The following OPCML variants were observed in gnomAD, a reference collection of about 807,000 sequenced individuals.
OPCML encodes the protein opioid-binding protein/cell adhesion molecule.
In OPCML, 13 loss-of-function variants were observed where a neutral mutation model predicts 37.8. The ratio of observed to expected loss-of-function variants is 0.34; its 90% CI spans 0.22 to 0.55. OPCML has a LOEUF of 0.55. Among genes scored for constraint, OPCML ranks in the 20% least tolerant of loss-of-function variants. The probability of loss-of-function intolerance (pLI) is 0.91; values close to 1 mark genes in which losing one functional copy is unlikely to be tolerated. For synonymous variants in OPCML, 176 were observed against 168.8 expected, an observed-to-expected ratio of 1.04 and a Z score of -0.33; for missense variants, 341 against 435.6, an observed-to-expected ratio of 0.78 and a Z score of 1.93.
At chr11:132,644,486 A>C (rs2135731779) in intron 3 of OPCML, among the ~76,000 whole-genome samples, 1 of 152,240 alleles carries the variant, frequency 6.6e-6, no homozygotes, top group Admixed American at 6.5e-5. Context: ...TTAAGAAAAA[A>C]TAAGAAAGAA....
rs189450935 is a variant in OPCML, at chr11:133,367,071, C to T, written c.61+165193G>A. On this transcript the variant is annotated intron_variant, in intron 1 of 7. Coordinates refer to ENST00000524381, the MANE Select transcript of OPCML (RefSeq NM_001012393.5). ...TCGGTTCAATGCAACCTCTGACTCC[C>T]TGGTTCAAGTGATTCTCCTGCCTAA... 3.9e-5 allele frequency among the ~76,000 whole-genome samples: 6 copies of T among 152,272 alleles called. No homozygotes were observed. The East Asian group carries it at 1.2e-3, about 29-fold the overall frequency.
chr11:133,031,294 G>A (rs937618321), intron 1 of OPCML, among the ~76,000 whole-genome samples: 2 of 151,974 alleles, frequency 1.3e-5, no homozygotes, highest in Admixed American at 6.6e-5. Flanking sequence ...GTGCATGGGT[G>A]GATGGATAGA....
At chr11:133,276,932 GA>G (rs2063921608) in intron 1 of OPCML, among the ~76,000 whole-genome samples, 2 of 152,270 alleles carry the variant, frequency 1.3e-5, no homozygotes, top group African/African-American at 4.8e-5. Context: ...AAATGTTTCT[GA>G]AATTTCAGAC....
chr11:132,873,963 G>T (rs931876), intron 2 of OPCML, among the ~76,000 whole-genome samples: 45,839 of 151,926 alleles, frequency 0.3, 7,462 homozygotes, highest in Non-Finnish European at 0.36. Flanking sequence ...CAGCCCTGTG[G>T]TGTTCTAAAA....
intron 1 of OPCML, among the ~76,000 whole-genome samples, chr11:132,963,197 C>A (rs545476347): frequency 6.6e-6 from 1 of 152,012 alleles, no homozygotes. Context: ...TGTGTGTTAA[C>A]GCTAACATCT....
intron 1 of OPCML, among the ~76,000 whole-genome samples, chr11:133,057,731 A>T (rs1444703284): frequency 1.3e-5 from 2 of 152,134 alleles, no homozygotes; most frequent in Non-Finnish European, 2.9e-5. Context: ...CACCTCTGTC[A>T]TCGTCCCTTC....
At chr11:132,718,482 C>A (rs761467468) in intron 2 of OPCML, among the ~76,000 whole-genome samples, 2 of 152,106 alleles carry the variant, frequency 1.3e-5, no homozygotes, top group African/African-American at 4.8e-5. Context: ...CCCTTAGGAC[C>A]AGGCATCCGT....
At chr11:132,849,374 T>C (rs1310455988) in intron 2 of OPCML, among the ~76,000 whole-genome samples, 2 of 152,214 alleles carry the variant, frequency 1.3e-5, no homozygotes, top group African/African-American at 4.8e-5. Flanking sequence ...GGACTAACTG[T>C]AGGCCCAGGC....
intron 2 of OPCML, among the ~76,000 whole-genome samples, chr11:132,800,497 G>A (rs544099450): frequency 6.6e-6 from 1 of 152,248 alleles, no homozygotes; most frequent in East Asian, 1.9e-4. Context: ...TCTGGATTTA[G>A]GGGAAAAGCC....
At chr11:133,101,307 A>C (rs1414992427) in intron 1 of OPCML, among the ~76,000 whole-genome samples, 1 of 152,230 alleles carries the variant, frequency 6.6e-6, no homozygotes, top group Non-Finnish European at 1.5e-5. Flanking sequence ...TTAAAATTAA[A>C]AACTTATACT....
chr11:133,354,208 GTGGTGATGATGCTGGTGC>G (rs1944211184), intron 1 of OPCML, among the ~76,000 whole-genome samples: 1 of 97,488 alleles, frequency 1.0e-5, no homozygotes, highest in East Asian at 2.1e-4. Flanking sequence ...GTTGATGGTG[GTGGTGATGATGCTGGTGC>G]TGGTGGTGAT....
At chr11:132,933,856 C>T (rs1236132078) in intron 2 of OPCML, among the ~76,000 whole-genome samples, 3 of 152,150 alleles carry the variant, frequency 2.0e-5, no homozygotes, top group Non-Finnish European at 2.9e-5. Flanking sequence ...TTCCTCCCCC[C>T]TCTTACACAG....
At chr11:132,436,272 T>C (rs1319607640) in intron 6 of OPCML, 35 bp from the exon 7 acceptor site, 3 of 1,613,862 alleles carry the variant, frequency 1.9e-6, no homozygotes, top group East Asian at 2.2e-5. Context: ...CAATTCATTC[T>C]ACAAAGAGGC....
intron 2 of OPCML, among the ~76,000 whole-genome samples, chr11:132,846,026 C>A (rs1490109927): frequency 6.6e-6 from 1 of 152,174 alleles, no homozygotes; most frequent in Non-Finnish European, 1.5e-5. Context: ...CAGTCACCAT[C>A]ACTCCTTTAC....
intron 2 of OPCML, among the ~76,000 whole-genome samples, chr11:132,827,633 T>G (rs1940432519): frequency 6.6e-6 from 1 of 152,166 alleles, no homozygotes; most frequent in South Asian, 2.1e-4. Context: ...TGTTGTTGTT[T>G]TTGTTGTCTG....
chr11:132,986,905 T>C (rs970256125), intron 1 of OPCML, among the ~76,000 whole-genome samples: 1 of 152,050 alleles, frequency 6.6e-6, no homozygotes, highest in Non-Finnish European at 1.5e-5. Flanking sequence ...CTTGAAAAAG[T>C]TGAACGTTTT....
At chr11:133,246,598 G>A (rs2136423561) in intron 1 of OPCML, among the ~76,000 whole-genome samples, 1 of 152,328 alleles carries the variant, frequency 6.6e-6, no homozygotes, top group Admixed American at 6.5e-5. Flanking sequence ...TGCTGCTGAA[G>A]GTCAGGGAGA....
chr11:132,715,053 G>A (rs933472182), intron 2 of OPCML, among the ~76,000 whole-genome samples: 2 of 152,172 alleles, frequency 1.3e-5, no homozygotes, highest in African/African-American at 4.8e-5. Flanking sequence ...ATGGGCAAGG[G>A]AGGGCAGGCA....
At chr11:132,812,980 G>A (rs1939431696) in intron 2 of OPCML, among the ~76,000 whole-genome samples, 1 of 152,084 alleles carries the variant, frequency 6.6e-6, no homozygotes, top group African/African-American at 2.4e-5. Flanking sequence ...TACTAAATGA[G>A]ACCTCCCTGA....
Sources: allele counts gnomAD v4.1 joint callset (sites outside exome capture counted in the v4.1 genomes callset), GRCh38; gene constraint gnomAD v4.1.1; transcripts MANE v1.5; gene names NCBI Gene and HGNC (gene_info 2026-07-23, HGNC 2026-07-21).